Variants in SUPT3H observed in about 807,000 individuals in gnomAD.
SUPT3H encodes transcription initiation protein SPT3 homolog.
A neutral mutation model predicts 44.3 loss-of-function variants in SUPT3H; 44 were observed. The ratio of observed to expected loss-of-function variants is 0.99; its 90% confidence interval spans 0.78 to 1.28. The LOEUF is 1.28. Ranked by LOEUF, SUPT3H falls within the 50% of genes most tolerant of loss-of-function variation. The pLI is 0.00. For missense variants in SUPT3H, 380 were observed against 387.1 expected, an observed-to-expected ratio of 0.98 and a Z score of 0.15; for synonymous variants, 124 against 125.6, an observed-to-expected ratio of 0.99 and a Z score of 0.09.
At chr6:45,270,815 G>C (rs528932491) in intron 2 of SUPT3H, among the ~76,000 whole-genome samples, 49 of 152,306 alleles carry the variant, frequency 3.2e-4, no homozygotes, top group African/African-American at 1.1e-3. Flanking sequence ...GGAAAGCTTG[G>C]AACTCCCTAG....
Position 45,275,625 on chromosome 6 carries a change from T to A in SUPT3H, c.101+89576A>T, listed in dbSNP as rs74355591. The stretch of plus-strand genomic sequence containing the variant: ...AAAATTCCACTGGAGGAAAAACTGG[T>A]GAAATTTAAATAAGGCCTGTAATTT... On this transcript the variant is annotated intron_variant, in intron 2 of 10. Transcript: ENST00000371459. Among the ~76,000 whole-genome samples, 2,055 of 152,240 alleles carry A rather than the reference T, an allele frequency of 0.013. 107 individuals are homozygous for A. In the East Asian group the frequency reaches 0.14, roughly 10 times the overall value.
chr6:44,850,233 TCTC>T (rs1000593990), intron 10 of SUPT3H, among the ~76,000 whole-genome samples: 45 of 152,178 alleles, frequency 3.0e-4, no homozygotes, highest in Admixed American at 5.2e-4. Context: ...TAAGGGACAA[TCTC>T]CTTATTGAAA....
At chr6:44,839,599 A>G (rs577367909) in intron 10 of SUPT3H, among the ~76,000 whole-genome samples, 24 of 152,286 alleles carry the variant, frequency 1.6e-4, no homozygotes, top group African/African-American at 3.1e-4. Context: ...CACTTTTAAC[A>G]TAAGTTATTA....
chr6:44,953,507 G>C, intron 8 of SUPT3H, 90 bp from the exon 9 acceptor site: 1 of 985,330 alleles, frequency 1.0e-6, no homozygotes, highest in Non-Finnish European at 1.6e-6. Flanking sequence ...CATTCTGAAT[G>C]TTACTGATAA....
intron 1 of SUPT3H, among the ~76,000 whole-genome samples, chr6:45,369,503 T>C (rs1018745170): frequency 3.3e-5 from 5 of 152,154 alleles, no homozygotes; most frequent in Admixed American, 2.6e-4. Flanking sequence ...CTATGGACAG[T>C]TGACATCATC....
chr6:45,345,044 T>C (rs916352030), intron 2 of SUPT3H, among the ~76,000 whole-genome samples: 1 of 152,154 alleles, frequency 6.6e-6, no homozygotes, highest in African/African-American at 2.4e-5. Flanking sequence ...GGCTGTACAT[T>C]AAAACGTTCC....
At chr6:45,043,362 T>C (rs993738013) in intron 3 of SUPT3H, among the ~76,000 whole-genome samples, 1 of 152,156 alleles carries the variant, frequency 6.6e-6, no homozygotes, top group African/African-American at 2.4e-5. Context: ...ATGTACAGGT[T>C]TGTTACATGG....
chr6:44,908,065 T>A (rs1418162490), intron 10 of SUPT3H, among the ~76,000 whole-genome samples: 2 of 152,010 alleles, frequency 1.3e-5, no homozygotes, highest in Non-Finnish European at 2.9e-5. Flanking sequence ...AAGGAAAAAA[T>A]TTTAACAACT....
chr6:45,225,265 G>C (rs1400874937), intron 2 of SUPT3H, among the ~76,000 whole-genome samples: 2 of 127,312 alleles, frequency 1.6e-5, no homozygotes, highest in Non-Finnish European at 3.2e-5. Flanking sequence ...GACAACAAGA[G>C]CGAAACTCCA....
chr6:45,028,377 C>A (rs1276539740), intron 3 of SUPT3H, among the ~76,000 whole-genome samples: 2 of 152,114 alleles, frequency 1.3e-5, no homozygotes, highest in Non-Finnish European at 2.9e-5. Context: ...CCTTCAATCC[C>A]AAACTTTTCC....
At chr6:44,948,571 G>A (rs1773728636) in intron 9 of SUPT3H, among the ~76,000 whole-genome samples, 1 of 152,154 alleles carries the variant, frequency 6.6e-6, no homozygotes, top group South Asian at 2.1e-4. Context: ...CAATCAAAAA[G>A]TGGGCGAAGG....
At chr6:44,926,208 A>G (rs1769493036) in intron 10 of SUPT3H, among the ~76,000 whole-genome samples, 1 of 152,088 alleles carries the variant, frequency 6.6e-6, no homozygotes, top group African/African-American at 2.4e-5. Context: ...CATTCCATAT[A>G]TTAGATAAAA....
intron 10 of SUPT3H, among the ~76,000 whole-genome samples, chr6:44,859,906 T>A (rs893321009): frequency 6.6e-6 from 1 of 151,922 alleles, no homozygotes; most frequent in Non-Finnish European, 1.5e-5. Flanking sequence ...TAGGGCTTGA[T>A]TTAAAGGACT....
intron 10 of SUPT3H, among the ~76,000 whole-genome samples, chr6:44,911,647 C>T (rs146897476): frequency 3.2e-3 from 486 of 152,242 alleles, no homozygotes; most frequent in Non-Finnish European, 4.7e-3. Flanking sequence ...AAGGTATTCA[C>T]AATTCTAATG....
intron 2 of SUPT3H, among the ~76,000 whole-genome samples, chr6:45,246,188 T>C (rs1219572382): frequency 6.6e-6 from 1 of 152,138 alleles, no homozygotes; most frequent in Non-Finnish European, 1.5e-5. Flanking sequence ...TTATCAGACA[T>C]ATGATTTAGA....
chr6:45,372,128 G>GTGTATGTCACAGTGAACTGTGTTGT, intron 1 of SUPT3H: 1 of 582,338 alleles, frequency 1.7e-6, no homozygotes, highest in Non-Finnish European at 2.2e-6. Flanking sequence ...AAACCACAAT[G>GTGTATGTCACAGTGAACTGTGTTGT]GAAGCAGTAA....
intron 6 of SUPT3H, among the ~76,000 whole-genome samples, chr6:44,992,709 C>T (rs990614489): frequency 6.6e-6 from 1 of 152,056 alleles, no homozygotes; most frequent in Admixed American, 6.6e-5. Flanking sequence ...CAAAAACTAA[C>T]AGTAAAGAAT....
chr6:45,368,584 T>G lies in SUPT3H; in HGVS notation c.1-3283A>C, dbSNP rs543154608. Among the ~76,000 whole-genome samples the G allele has an allele frequency of 1.7e-4, 26 of 152,286 alleles. No individual in the cohort carries two copies. In the Middle Eastern group the frequency reaches 0.01, roughly 60 times the overall value. On this transcript the variant is annotated intron_variant, in intron 1 of 10. Coordinates refer to ENST00000371459, the MANE Select transcript of SUPT3H (RefSeq NM_003599.4). ...AAATACCATGAAACATCTTTAAGCT[T>G]AAAAGACCTCAAATTGTTGAGAACC... is the stretch of plus-strand genomic sequence containing the variant.
intron 2 of SUPT3H, among the ~76,000 whole-genome samples, chr6:45,144,063 A>G (rs1805650245): frequency 6.6e-6 from 1 of 152,140 alleles, no homozygotes; most frequent in Non-Finnish European, 1.5e-5. Context: ...AAAAATTGCC[A>G]ACAAAAAATA....
Sources: gnomAD v4.1 joint callset for allele counts (sites outside exome capture counted in the v4.1 genomes callset) on GRCh38, gnomAD v4.1.1 for gene constraint, MANE v1.5 for transcripts, NCBI Gene and HGNC (gene_info 2026-07-23, HGNC 2026-07-21) for gene names.